The following SPAG16 variants were observed in gnomAD, a reference collection of about 807,000 sequenced individuals.
The protein encoded by SPAG16 is sperm associated antigen 16, also known as sperm-associated antigen 16 protein.
Under a neutral mutation model 80.4 loss-of-function variants are expected in SPAG16, and 86 were observed. The observed-to-expected ratio is 1.07, with a 90% CI of 0.90 to 1.28. The LOEUF (loss-of-function observed/expected upper bound fraction) is 1.28. Among genes scored for constraint, SPAG16 ranks in the 50% most tolerant of loss-of-function variants. The pLI, the probability that SPAG16 is intolerant of heterozygous loss-of-function variation, is 0.00. For synonymous variants in SPAG16, 294 were observed against 265.9 expected (o/e 1.11, Z -1.03); for missense variants, 870 against 765.3 (o/e 1.14, Z -1.61).
At chr2:213,552,227 G>A (rs1263610087) in intron 10 of SPAG16, among the ~76,000 whole-genome samples, 1 of 152,138 alleles carries the variant, frequency 6.6e-6, no homozygotes, top group Non-Finnish European at 1.5e-5. Flanking sequence ...CAGACACTCT[G>A]CGCCCCATAA....
At chr2:213,704,469 A>G (rs1204011243) in intron 10 of SPAG16, among the ~76,000 whole-genome samples, 2 of 152,120 alleles carry the variant, frequency 1.3e-5, no homozygotes, top group Admixed American at 6.5e-5. Context: ...CACTTACACA[A>G]TTACTCTCTG....
At chr2:214,014,229 T>C in intron 13 of SPAG16, 152 bp downstream of exon 13, 1 of 893,036 alleles carries the variant, frequency 1.1e-6, no homozygotes, top group Non-Finnish European at 1.7e-6. Flanking sequence ...AGATCCTTTC[T>C]ATGCACTTGT....
chr2:214,209,438 G>A (rs1009073395), intron 15 of SPAG16, among the ~76,000 whole-genome samples: 20 of 152,186 alleles, frequency 1.3e-4, no homozygotes, highest in African/African-American at 4.3e-4. Context: ...TGCATCAATC[G>A]AGAGATGTTC....
chr2:213,698,308 C>T (rs1301333569), intron 10 of SPAG16, among the ~76,000 whole-genome samples: 1 of 152,140 alleles, frequency 6.6e-6, no homozygotes, highest in East Asian at 1.9e-4. Flanking sequence ...ATTGCCCAGG[C>T]TGGAGTGTAG....
At position 213,473,882 on chromosome 2, in the gene SPAG16, C is replaced by T. The variant is rs145901207; in HGVS notation, c.943-16081C>T. Reference sequence around the variant, plus strand: ...CTCAACCTCATCTCTAGGGGCCTGCCGGGACTTTAGTCTAGTTATAGATCT... The same window carrying T: ...CTCAACCTCATCTCTAGGGGCCTGCTGGGACTTTAGTCTAGTTATAGATCT... On this transcript the variant is annotated intron_variant, in intron 9 of 15. Coordinates refer to ENST00000331683, the MANE Select transcript of SPAG16 (RefSeq NM_024532.5). Among the ~76,000 whole-genome samples the T allele has an allele frequency of 3.1e-3, 473 of 152,284 alleles. 2 individuals are homozygous for T. Among genetic ancestry groups the T allele is most frequent in the African/African-American group, 0.01 (433 of 41,560 alleles).
At chr2:213,331,216 T>C (rs1355286779) in intron 5 of SPAG16, among the ~76,000 whole-genome samples, 1 of 152,246 alleles carries the variant, frequency 6.6e-6, no homozygotes, top group Non-Finnish European at 1.5e-5. Context: ...TTCTGCAGCA[T>C]GCCTGGGTCC....
chr2:214,351,717 AAC>A (rs1559234671), intron 15 of SPAG16, among the ~76,000 whole-genome samples: 16 of 150,330 alleles, frequency 1.1e-4, no homozygotes, highest in Non-Finnish European at 2.2e-4. Flanking sequence ...CAAACAAACA[AAC>A]AAAAAAAACA....
chr2:213,422,396 T>A, intron 9 of SPAG16: 1 of 658,732 alleles, frequency 1.5e-6, no homozygotes, highest in Middle Eastern at 3.9e-4. Context: ...GCAGCTGGCA[T>A]GCCTGGCTGT....
At chr2:213,355,114 A>G (rs1308067398) in intron 7 of SPAG16, among the ~76,000 whole-genome samples, 2 of 152,344 alleles carry the variant, frequency 1.3e-5, no homozygotes, top group East Asian at 3.9e-4. Context: ...CATTTATCAA[A>G]TAGGGAATCC....
chr2:213,842,470 A>G (rs1374218919), intron 10 of SPAG16, among the ~76,000 whole-genome samples: 1 of 152,112 alleles, frequency 6.6e-6, no homozygotes, highest in African/African-American at 2.4e-5. Flanking sequence ...AGTTGATTCT[A>G]TTGGATATAC....
intron 9 of SPAG16, among the ~76,000 whole-genome samples, chr2:213,488,418 A>G (rs998082001): frequency 3.3e-5 from 5 of 152,180 alleles, no homozygotes; most frequent in African/African-American, 4.8e-5. Context: ...TTCTAGTACT[A>G]TGCTTTAAGG....
intron 10 of SPAG16, among the ~76,000 whole-genome samples, chr2:213,552,682 C>G (rs983761262): frequency 2.0e-5 from 3 of 151,976 alleles, no homozygotes; most frequent in African/African-American, 7.3e-5. Context: ...AGTATTATTC[C>G]TGGGTGTGTC....
intron 10 of SPAG16, among the ~76,000 whole-genome samples, chr2:213,680,804 G>A (rs1448490689): frequency 6.6e-6 from 1 of 152,166 alleles, no homozygotes; most frequent in African/African-American, 2.4e-5. Context: ...TATTTTTAGG[G>A]AGGCATGAGA....
At chr2:213,306,232 AT>A (rs1008009465) in intron 3 of SPAG16, among the ~76,000 whole-genome samples, 5 of 148,538 alleles carry the variant, frequency 3.4e-5, no homozygotes, top group Admixed American at 1.3e-4. Context: ...CTTTAAAAAA[AT>A]TTTTTTTTGG....
chr2:213,710,977 G>A (rs1344932048), intron 10 of SPAG16, among the ~76,000 whole-genome samples: 1 of 151,772 alleles, frequency 6.6e-6, no homozygotes. Flanking sequence ...TTTTTTAATT[G>A]TAATAATATA....
At chr2:213,310,515 A>T (rs745346683) in intron 4 of SPAG16, among the ~76,000 whole-genome samples, 1 of 151,930 alleles carries the variant, frequency 6.6e-6, no homozygotes, top group Non-Finnish European at 1.5e-5. Context: ...AACATTTCCT[A>T]ATATTTTTGT....
In SPAG16 at chr2:213,367,643, T is replaced by A. The variant is rs536767750; in HGVS notation, c.832+3498T>A. 1.6e-4 allele frequency among the ~76,000 whole-genome samples: 24 copies of A among 152,116 alleles called. No individual in the cohort carries two copies. In the South Asian group the frequency reaches 5.0e-3, roughly 32 times the overall value. ...ACTTGTTGATGGGGTTGTTTGTTTT[T>A]TTCTTGTAAATTGGTTTGAGTTCTT... On this transcript the variant is annotated intron_variant, in intron 8 of 15. Transcript: ENST00000331683.
chr2:213,855,513 T>A (rs1443483117), intron 10 of SPAG16, among the ~76,000 whole-genome samples: 1 of 152,236 alleles, frequency 6.6e-6, no homozygotes, highest in South Asian at 2.1e-4. Flanking sequence ...TTTGTTGCAT[T>A]TCATAGTTAC....
At chr2:213,929,251 C>G (rs965774067) in intron 11 of SPAG16, among the ~76,000 whole-genome samples, 1 of 151,930 alleles carries the variant, frequency 6.6e-6, no homozygotes, top group Middle Eastern at 3.4e-3. Context: ...TGACCTCAGG[C>G]GATTCGCCTG....
Sources: gnomAD v4.1 joint callset for allele counts (sites outside exome capture counted in the v4.1 genomes callset) on GRCh38, gnomAD v4.1.1 for gene constraint, MANE v1.5 for transcripts, NCBI Gene and HGNC (gene_info 2026-07-23, HGNC 2026-07-21) for gene names.